Variants in KLHL2 observed in about 807,000 individuals in gnomAD.
KLHL2 encodes the protein kelch-like protein 2.
KLHL2 carries 15 observed loss-of-function variants against 75.8 expected under a neutral mutation model. The ratio of observed to expected loss-of-function variants is 0.20; its 90% confidence interval spans 0.13 to 0.30. KLHL2 has a LOEUF of 0.30. Ranked by LOEUF, KLHL2 falls within the 10% of genes least tolerant of loss-of-function variation. KLHL2 has a pLI of 1.00. For missense variants in KLHL2, 381 were observed against 741.0 expected, an observed-to-expected ratio of 0.51 and a Z score of 5.64; for synonymous variants, 214 against 251.9, an observed-to-expected ratio of 0.85 and a Z score of 1.42.
intron 5 of KLHL2, among the ~76,000 whole-genome samples, chr4:165,264,653 TATACATATATGTCTAC>T (rs1170652838): frequency 1.4e-5 from 2 of 141,290 alleles, no homozygotes; most frequent in Non-Finnish European, 3.1e-5. Flanking sequence ...CACACATGTA[TATACATATATGTCTAC>T]ATACGTATAT....
At chr4:165,216,801 G>T (rs1351082959) in intron 1 of KLHL2, among the ~76,000 whole-genome samples, 1 of 152,178 alleles carries the variant, frequency 6.6e-6, no homozygotes, top group African/African-American at 2.4e-5. Flanking sequence ...TGATGTATTT[G>T]TAAGTGACTC....
Position 165,319,136 on chromosome 4 carries a change from G to A in KLHL2, c.1753+1167G>A, listed in dbSNP as rs1044245909. Among the ~76,000 whole-genome samples, 10 of 152,108 alleles carry A rather than the reference G, an allele frequency of 6.6e-5. No homozygotes were observed. Among genetic ancestry groups the A allele is most frequent in the East Asian group, 1.9e-4 (1 of 5,192 alleles). ...GTACTACTATAATAATTTTATAGCC[G>A]TCTCCTGTTGCTGTATTGGTGAGCT... On this transcript the variant is annotated intron_variant, in intron 14 of 14. Coordinates refer to ENST00000226725, the MANE Select transcript of KLHL2 (RefSeq NM_007246.4). The surrounding 1 kb of genome is among the most constrained non-coding windows in gnomAD (Gnocchi z 4.5).
Position 165,263,375 on chromosome 4 carries a change from C to A in KLHL2, c.544+16C>A, listed in dbSNP as rs1469976140. ...ACCTATGCAGGCAAGTGGAGTAGAC[C>A]TCAGCTGAATTTGGGAGGAAACTGC... On this transcript the variant is annotated intron_variant, in intron 5 of 14. Transcript: ENST00000226725. 3 of 1,607,116 alleles carry A rather than the reference C, an allele frequency of 1.9e-6. No individual in the cohort carries two copies. Among genetic ancestry groups the A allele is most frequent in the Non-Finnish European group, 1.7e-6 (2 of 1,174,908 alleles).
chr4:165,284,061 C>T (rs1743899651), intron 5 of KLHL2, among the ~76,000 whole-genome samples: 2 of 152,180 alleles, frequency 1.3e-5, no homozygotes, highest in African/African-American at 2.4e-5. Context: ...GGACCCTGGG[C>T]TCAGCCTATG....
intron 1 of KLHL2, 102 bp downstream of exon 1, chr4:165,208,004 G>T: frequency 1.2e-6 from 1 of 805,354 alleles, no homozygotes; most frequent in Non-Finnish European, 1.6e-6. Flanking sequence ...CGCCGGGGCC[G>T]GCGGGAGGTG....
intron 4 of KLHL2, among the ~76,000 whole-genome samples, chr4:165,256,284 C>T (rs1322156290): frequency 6.6e-6 from 1 of 152,148 alleles, no homozygotes; most frequent in Non-Finnish European, 1.5e-5. Flanking sequence ...TATTTGTCTC[C>T]ATTGGTTGGA....
At chr4:165,276,356 C>T (rs1262362930) in intron 5 of KLHL2, among the ~76,000 whole-genome samples, 2 of 152,218 alleles carry the variant, frequency 1.3e-5, no homozygotes, top group East Asian at 3.9e-4. Context: ...TCATGTGTGT[C>T]CCCTCTGTCT....
At chr4:165,211,997 T>C (rs565114751) in intron 1 of KLHL2, among the ~76,000 whole-genome samples, 1 of 152,216 alleles carries the variant, frequency 6.6e-6, no homozygotes, top group Non-Finnish European at 1.5e-5. Context: ...ACCACTGAAC[T>C]TCTTTCTTAA....
chr4:165,312,016 C>T (rs1024260913), intron 11 of KLHL2, among the ~76,000 whole-genome samples: 1 of 152,122 alleles, frequency 6.6e-6, no homozygotes, highest in Admixed American at 6.5e-5. Context: ...GTTCCCACCT[C>T]AGATCATCAG....
intron 12 of KLHL2, 77 bp downstream of exon 12, chr4:165,313,443 C>T (rs1746355493): frequency 7.8e-7 from 1 of 1,278,148 alleles, no homozygotes; most frequent in Non-Finnish European, 1.0e-6. Context: ...TCAGTGGCAT[C>T]ACTTTACATT....
chr4:165,227,974 T>C (rs1309732114), intron 2 of KLHL2, among the ~76,000 whole-genome samples: 1 of 152,016 alleles, frequency 6.6e-6, no homozygotes, highest in Non-Finnish European at 1.5e-5. Context: ...CTTGGCTGAA[T>C]GCAACCTCTG....
chr4:165,312,289 GA>G (rs1480874110), intron 11 of KLHL2, among the ~76,000 whole-genome samples: 5 of 152,208 alleles, frequency 3.3e-5, no homozygotes, highest in African/African-American at 1.2e-4. Context: ...TTGCTTGGGG[GA>G]ACAATTCAGG....
At position 165,226,829 on chromosome 4, in the gene KLHL2, A is replaced by G. The variant is rs187074403; in HGVS notation, c.153-1978A>G. ...AGCTTTAGGTTTTGTGTAGTGGTCAAGAGGCTCTGGAGTCAGCCTGTGGAT... is the reference window on the plus strand; with the variant it reads ...AGCTTTAGGTTTTGTGTAGTGGTCAGGAGGCTCTGGAGTCAGCCTGTGGAT... On this transcript the variant is annotated intron_variant, in intron 2 of 14. Coordinates refer to ENST00000226725, the MANE Select transcript of KLHL2 (RefSeq NM_007246.4). Among the ~76,000 whole-genome samples the G allele has an allele frequency of 6.5e-3, 991 of 152,302 alleles. 6 individuals are homozygous for G. Among genetic ancestry groups the G allele is most frequent in the Non-Finnish European group, 9.1e-3 (620 of 68,022 alleles).
intron 1 of KLHL2, among the ~76,000 whole-genome samples, chr4:165,217,624 G>A (rs1461258150): frequency 6.6e-6 from 1 of 152,200 alleles, no homozygotes; most frequent in East Asian, 1.9e-4. Flanking sequence ...TGCACTTGTA[G>A]TAGGCAAGCC....
At chr4:165,306,416 G>C (rs1745732894) in intron 9 of KLHL2, among the ~76,000 whole-genome samples, 1 of 152,166 alleles carries the variant, frequency 6.6e-6, no homozygotes, top group Non-Finnish European at 1.5e-5. Flanking sequence ...CATTACAAAT[G>C]TTTTTAATCT....
intron 3 of KLHL2, among the ~76,000 whole-genome samples, chr4:165,236,161 G>T (rs533265302): frequency 1.3e-5 from 2 of 152,166 alleles, no homozygotes; most frequent in South Asian, 4.1e-4. Context: ...TGAACTGTGG[G>T]ACTGGTGGGT....
intron 4 of KLHL2, among the ~76,000 whole-genome samples, chr4:165,258,012 G>T (rs1432028708): frequency 6.6e-6 from 1 of 152,124 alleles, no homozygotes; most frequent in Non-Finnish European, 1.5e-5. Flanking sequence ...TAAACTGAGA[G>T]TGAAGAGACT....
chr4:165,214,426 A>G (rs1277370626), intron 1 of KLHL2, among the ~76,000 whole-genome samples: 1 of 152,192 alleles, frequency 6.6e-6, no homozygotes, highest in Non-Finnish European at 1.5e-5. Context: ...TTTTCCTGGT[A>G]ATAGTCACTG....
At position 165,225,531 on chromosome 4, in the gene KLHL2, A is replaced by G. The variant is rs73875263; in HGVS notation, c.153-3276A>G. ...CCTCATTAGATTTCAAGTAATAGGA[A>G]CATAAACTTAGAAATTCACCATGGA... On this transcript the variant is annotated intron_variant, in intron 2 of 14. Coordinates refer to ENST00000226725, the MANE Select transcript of KLHL2 (RefSeq NM_007246.4). Among the ~76,000 whole-genome samples the G allele has an allele frequency of 1.9e-3, 292 of 152,322 alleles. 1 individual carries two copies. The highest frequency in any genetic ancestry group is 6.5e-3 in the African/African-American group (272 of 41,578).
Sources: allele counts gnomAD v4.1 joint callset (sites outside exome capture counted in the v4.1 genomes callset), GRCh38; gene constraint gnomAD v4.1.1; non-coding constraint Gnocchi (gnomAD v3.1); transcripts MANE v1.5; gene names NCBI Gene and HGNC (gene_info 2026-07-23, HGNC 2026-07-21).